Variants in SLC7A1 observed in about 807,000 individuals in gnomAD.
The protein encoded by SLC7A1 is high affinity cationic amino acid transporter 1.
SLC7A1 carries 10 observed loss-of-function variants against 53.9 expected under a neutral mutation model. The observed-to-expected ratio is 0.19, with a 90% CI of 0.11 to 0.31. The LOEUF (loss-of-function observed/expected upper bound fraction) is 0.31. Among genes scored for constraint, SLC7A1 ranks in the 10% least tolerant of loss-of-function variants. The pLI, the probability that SLC7A1 is intolerant of heterozygous loss-of-function variation, is 1.00. For synonymous variants in SLC7A1, 342 were observed against 338.7 expected (o/e 1.01, Z -0.11); for missense variants, 525 against 827.2 (o/e 0.63, Z 4.48).
At chr13:29,540,016 T>C (rs986175287) in intron 2 of SLC7A1, among the ~76,000 whole-genome samples, 3 of 152,188 alleles carry the variant, frequency 2.0e-5, no homozygotes, top group Non-Finnish European at 2.9e-5. Context: ...TCCAAGTGGT[T>C]TTATCTGTCA....
chr13:29,564,654 G>C (rs544944176), intron 1 of SLC7A1, among the ~76,000 whole-genome samples: 2 of 152,328 alleles, frequency 1.3e-5, no homozygotes, highest in South Asian at 4.1e-4. Flanking sequence ...GAGGCAATGG[G>C]ATGAGGAGGC....
chr13:29,531,124 CTTTG>C (rs1869138693), intron 4 of SLC7A1, among the ~76,000 whole-genome samples: 2 of 152,186 alleles, frequency 1.3e-5, no homozygotes, highest in Admixed American at 1.3e-4. Flanking sequence ...GGAAGAAAGA[CTTTG>C]CATAGTTTCC....
In SLC7A1 at chr13:29,548,235, T is replaced by A. The variant is rs147760760; in HGVS notation, c.-15+5526A>T. 1.8e-3 allele frequency among the ~76,000 whole-genome samples: 267 copies of A among 152,274 alleles called. 2 individuals carry two copies. The highest frequency in any genetic ancestry group is 6.2e-3 in the African/African-American group (256 of 41,550). On this transcript the variant is annotated intron_variant, in intron 2 of 12. Transcript: ENST00000380752. ...CTGATATGAGTACCAAAGAACAGAC[T>A]TAGGAGTAGTTCACAGGCTATTCAA...
At chr13:29,560,685 T>C (rs770234435) in intron 1 of SLC7A1, among the ~76,000 whole-genome samples, 1 of 152,082 alleles carries the variant, frequency 6.6e-6, no homozygotes, top group Non-Finnish European at 1.5e-5. Flanking sequence ...AGCAGGACAA[T>C]GTCACAAAGG....
At position 29,524,229 on chromosome 13, in the gene SLC7A1, A is replaced by G; in HGVS notation, c.729T>C (p.Gly243=). 2.5e-6 allele frequency: 4 copies of G among 1,614,132 alleles called. No individual in the cohort carries two copies. The highest frequency in any genetic ancestry group is 3.4e-6 in the Non-Finnish European group (4 of 1,179,998). ...ACCCGAAGGGCATGAATCCACCAAC[A>G]CCGGGCTTCCCTTCTTTTGTGTCAC... ...LNNDTKEGKP[G]VGGFMPFGFS... is the part of the protein sequence containing the mutation. Residue 243 remains glycine, a synonymous_variant, in exon 6 of 13, where the codon GGT becomes GGC. Transcript: ENST00000380752.
intron 12 of SLC7A1, 57 bp from the exon 13 acceptor site, chr13:29,514,640 C>G: frequency 7.3e-7 from 1 of 1,365,100 alleles, no homozygotes; most frequent in African/African-American, 1.4e-5. Context: ...CCACCGCAGG[C>G]AGGGCTCAGA....
chr13:29,594,899 C>G lies in SLC7A1; in HGVS notation c.-115+517G>C, dbSNP rs558018500. Among the ~76,000 whole-genome samples the G allele has an allele frequency of 8.0e-4, 121 of 152,170 alleles. 2 individuals carry two copies. Among genetic ancestry groups the G allele is most frequent in the Admixed American group, 4.4e-3 (67 of 15,302 alleles). ...ACCTGCCGCGGGACCACCCTCCGGG[C>G]GGCCGGGCAGAGTCCCCACCCACGG... is the stretch of plus-strand genomic sequence containing the variant. On this transcript the variant is annotated intron_variant, in intron 1 of 12. Coordinates refer to ENST00000380752, the MANE Select transcript of SLC7A1 (RefSeq NM_003045.5).
rs906597932 is a variant in SLC7A1 at position 29,553,773 on chromosome 13, G to A, written c.-27C>T. 8.5e-5 allele frequency: 13 copies of A among 152,142 alleles called. No individual in the cohort carries two copies. The highest frequency in any genetic ancestry group is 2.9e-4 in the African/African-American group (12 of 41,412). The allele number at this position is 152,142 out of a possible 1,614,324, so 9.4% of individuals were successfully genotyped here. A position where few individuals can be genotyped will look rare whatever the true frequency, so the allele number is the denominator to read the frequency against. On this transcript the variant is annotated 5_prime_UTR_variant, in exon 2 of 13. Transcript: ENST00000380752. ...AGGCAGACTGTACCTGGAATATGAC[G>A]GGAAGCCTCACCACCTTCTCACCAG...
intron 7 of SLC7A1, among the ~76,000 whole-genome samples, chr13:29,522,921 T>C (rs1487709238): frequency 1.3e-5 from 2 of 152,166 alleles, no homozygotes; most frequent in South Asian, 2.1e-4. Flanking sequence ...TTCATCAAAG[T>C]AGCTTCTGCA....
chr13:29,578,940 T>C (rs1030737427), intron 1 of SLC7A1, among the ~76,000 whole-genome samples: 1 of 152,242 alleles, frequency 6.6e-6, no homozygotes, highest in African/African-American at 2.4e-5. Context: ...GCCTTTTTCT[T>C]CATTCCGCTG....
chr13:29,533,306 A>G (rs1242899673), intron 3 of SLC7A1, among the ~76,000 whole-genome samples: 3 of 152,216 alleles, frequency 2.0e-5, no homozygotes, highest in Non-Finnish European at 4.4e-5. Flanking sequence ...CTCTGATAAT[A>G]TTTAATGCTA....
At chr13:29,536,551 C>T (rs1042556976) in intron 2 of SLC7A1, among the ~76,000 whole-genome samples, 2 of 152,162 alleles carry the variant, frequency 1.3e-5, no homozygotes, top group African/African-American at 4.8e-5. Context: ...TACACTCAGT[C>T]ATCAGATAAT....
chr13:29,584,992 T>C (rs574198922), intron 1 of SLC7A1, among the ~76,000 whole-genome samples: 1 of 152,340 alleles, frequency 6.6e-6, no homozygotes, highest in South Asian at 2.1e-4. Context: ...AATTAACAAA[T>C]GTATGGCCCA....
At chr13:29,581,078 T>C (rs1871627191) in intron 1 of SLC7A1, among the ~76,000 whole-genome samples, 1 of 152,192 alleles carries the variant, frequency 6.6e-6, no homozygotes, top group Non-Finnish European at 1.5e-5. Context: ...AAATAGGATA[T>C]TTCTAATGAA....
chr13:29,588,309 T>C (rs549072327), intron 1 of SLC7A1, among the ~76,000 whole-genome samples: 34 of 152,194 alleles, frequency 2.2e-4, no homozygotes, highest in African/African-American at 7.9e-4. Flanking sequence ...TACACTGAAG[T>C]ATAGAGGGCA....
chr13:29,562,508 T>C (rs914408595), intron 1 of SLC7A1, among the ~76,000 whole-genome samples: 2 of 152,200 alleles, frequency 1.3e-5, no homozygotes, highest in Non-Finnish European at 2.9e-5. Context: ...CTGGTAAGTA[T>C]AATGCAAATA....
At chr13:29,546,710 CTTTT>C (rs1028677898) in intron 2 of SLC7A1, among the ~76,000 whole-genome samples, 1 of 151,984 alleles carries the variant, frequency 6.6e-6, no homozygotes, top group African/African-American at 2.4e-5. Context: ...TCACGAGCAA[CTTTT>C]TTTTGTGAAA....
intron 1 of SLC7A1, among the ~76,000 whole-genome samples, chr13:29,574,297 G>A (rs992184090): frequency 1.3e-5 from 2 of 152,214 alleles, no homozygotes; most frequent in African/African-American, 2.4e-5. Context: ...TGTGGGAGAT[G>A]CCTTGCAACT....
intron 9 of SLC7A1, among the ~76,000 whole-genome samples, chr13:29,518,733 A>G (rs1394234392): frequency 2.0e-5 from 3 of 152,130 alleles, no homozygotes; most frequent in African/African-American, 7.2e-5. Context: ...GCAGGTGGGA[A>G]TCCCTGAAAA....
Sources: gnomAD v4.1 joint callset for allele counts (sites outside exome capture counted in the v4.1 genomes callset) on GRCh38, gnomAD v4.1.1 for gene constraint, MANE v1.5 for transcripts, NCBI Gene and HGNC (gene_info 2026-07-23, HGNC 2026-07-21) for gene names.